ITIH5: variants seen among roughly 807,000 people sequenced by gnomAD.
The protein encoded by ITIH5 is inter-alpha-trypsin inhibitor heavy chain H5.
ITIH5 carries 65 observed loss-of-function variants against 77.5 expected under a neutral mutation model. That is an observed-to-expected ratio of 0.84 (90% CI 0.69 to 1.03). The LOEUF (loss-of-function observed/expected upper bound fraction) is 1.03, where lower values mean the gene tolerates loss of function less well. ITIH5 is among the 50% of genes least tolerant of loss of function. The probability of loss-of-function intolerance (pLI) is 0.00; values close to 1 mark genes in which losing one functional copy is unlikely to be tolerated. For synonymous variants in ITIH5, 525 were observed against 494.3 expected (o/e 1.06, Z -0.82); for missense variants, 1,208 against 1,213.1 (o/e 1.00, Z 0.06).
Position 7,617,208 on chromosome 10 carries a change from C to T in ITIH5, c.727G>A (p.Val243Ile). Reference sequence around the variant, plus strand: ...TGGGCAATCCTGGCTTGTTGTACTACAGTAGGTTTAAAAATTATGTTGGCA... The same window carrying T: ...TGGGCAATCCTGGCTTGTTGTACTATAGTAGGTTTAAAAATTATGTTGGCA... ...TFANIIFKPT[V>I]VQQARIAQNG... Residue 243 changes from valine to isoleucine, a missense_variant, in exon 6 of 14, where the codon GTA becomes ATA. Coordinates refer to ENST00000397146, the MANE Select transcript of ITIH5 (RefSeq NM_030569.7). 1.9e-6 allele frequency: 3 copies of T among 1,603,734 alleles called. No individual in the cohort carries two copies. Among genetic ancestry groups the T allele is most frequent in the Non-Finnish European group, 2.6e-6 (3 of 1,175,404 alleles).
At chr10:7,660,122 T>C (rs139869949) in intron 1 of ITIH5, among the ~76,000 whole-genome samples, 16 of 152,272 alleles carry the variant, frequency 1.1e-4, no homozygotes, top group African/African-American at 2.4e-4. Flanking sequence ...ACAACATTTA[T>C]TGAGAAAAAC....
intron 2 of ITIH5, among the ~76,000 whole-genome samples, chr10:7,646,125 T>A (rs552042504): frequency 7.2e-5 from 11 of 152,346 alleles, no homozygotes; most frequent in African/African-American, 2.6e-4. Context: ...ATCTTGTGAA[T>A]TTGCGAAGCA....
intron 2 of ITIH5, among the ~76,000 whole-genome samples, chr10:7,654,964 A>G (rs999848169): frequency 1.6e-5 from 2 of 127,460 alleles, no homozygotes; most frequent in African/African-American, 3.0e-5. Context: ...AGCAAAAAAA[A>G]AATTTTTTTT....
intron 7 of ITIH5, chr10:7,600,706 A>G (rs1832996958): frequency 1.7e-5 from 7 of 400,730 alleles, no homozygotes; most frequent in South Asian, 1.1e-4. Context: ...AAAGGTTGAA[A>G]TCCTAACACC....
intron 7 of ITIH5, among the ~76,000 whole-genome samples, chr10:7,613,398 A>C (rs1417302541): frequency 2.6e-5 from 4 of 152,214 alleles, no homozygotes; most frequent in African/African-American, 9.6e-5. Context: ...TGTAACAAAA[A>C]CTTTGGGAAA....
At chr10:7,627,950 T>C (rs887937228) in intron 5 of ITIH5, among the ~76,000 whole-genome samples, 7 of 146,412 alleles carry the variant, frequency 4.8e-5, no homozygotes, top group African/African-American at 7.5e-5. Context: ...CAAGCGATTC[T>C]CCTGCCTCAG....
At position 7,624,798 on chromosome 10, in the gene ITIH5, A is replaced by ATATAT. The variant is rs1554755317; in HGVS notation, c.653-7517_653-7516insATATA. On this transcript the variant is annotated intron_variant, in intron 5 of 13. Coordinates refer to ENST00000397146, the MANE Select transcript of ITIH5 (RefSeq NM_030569.7). Reference sequence around the variant, plus strand: ...GAGACTCTGCCTAAAAAAAAAAAAAAATATATATATATATACACATATATA... The same window carrying ATATAT: ...GAGACTCTGCCTAAAAAAAAAAAAAATATATATATATATATATATACACATATATA... Among the ~76,000 whole-genome samples the ATATAT allele has an allele frequency of 9.7e-5, 6 of 61,810 alleles. No individual in the cohort carries two copies. The South Asian group carries it at 2.4e-3, about 25-fold the overall frequency. The allele number at this position is 61,810 out of a possible 152,430, so 40.5% of individuals were successfully genotyped here. A position where few individuals can be genotyped will look rare whatever the true frequency, so the allele number is the denominator to read the frequency against.
intron 4 of ITIH5, among the ~76,000 whole-genome samples, chr10:7,638,062 G>T: frequency 6.6e-6 from 1 of 152,182 alleles, no homozygotes; most frequent in Non-Finnish European, 1.5e-5. Context: ...AGTGGCAACC[G>T]TTAGTAGGTA....
At chr10:7,622,701 TAAAGAATAATCTTTAAAA>T (rs1006952413) in intron 5 of ITIH5, among the ~76,000 whole-genome samples, 11 of 152,222 alleles carry the variant, frequency 7.2e-5, no homozygotes, top group Non-Finnish European at 1.2e-4. Context: ...TATGCTTATA[TAAAGAATAATCTTTAAAA>T]AAAGAATAAT....
chr10:7,628,923 A>G (rs1225126985), intron 5 of ITIH5, among the ~76,000 whole-genome samples: 2 of 82,582 alleles, frequency 2.4e-5, no homozygotes, highest in African/African-American at 9.5e-5. Flanking sequence ...TATCATATGT[A>G]TCTGTGTTTT....
intron 2 of ITIH5, among the ~76,000 whole-genome samples, chr10:7,649,244 C>T (rs1258713462): frequency 6.6e-6 from 1 of 151,556 alleles, no homozygotes; most frequent in African/African-American, 2.4e-5. Context: ...CTTCTTTCTT[C>T]TTCCTCCTTT....
intron 5 of ITIH5, chr10:7,621,929 C>A (rs145334614): frequency 6.6e-6 from 1 of 152,326 alleles, no homozygotes; most frequent in African/African-American, 2.4e-5. Flanking sequence ...GAGGAAGAAT[C>A]TGACCCACTT....
At chr10:7,596,898 T>G (rs1832909999) in intron 7 of ITIH5, among the ~76,000 whole-genome samples, 1 of 151,170 alleles carries the variant, frequency 6.6e-6, no homozygotes, top group African/African-American at 2.4e-5. Context: ...AAATACAAAA[T>G]TAGCCAGGCA....
rs184852412 is a variant in ITIH5, at chr10:7,598,948, C to A, written c.940-12879G>T. On this transcript the variant is annotated intron_variant, in intron 7 of 13. Transcript: ENST00000397146. ...CATAACATTACTCTAACTTGAGAAG[C>A]GAACTGTCTCATCTTAACCCTCTGC... Among the ~76,000 whole-genome samples, 289 of 152,256 alleles carry A rather than the reference C, an allele frequency of 1.9e-3. 1 individual carries two copies. The highest frequency in any genetic ancestry group is 3.7e-3 in the Non-Finnish European group (254 of 68,028).
intron 13 of ITIH5, 47 bp from the exon 14 acceptor site, chr10:7,563,431 C>G (rs369184382): frequency 1.3e-6 from 2 of 1,553,874 alleles, no homozygotes; most frequent in Non-Finnish European, 1.8e-6. Context: ...ATGCAGAAAC[C>G]TCGTGCTGAA....
intron 2 of ITIH5, among the ~76,000 whole-genome samples, chr10:7,653,229 C>CA (rs1333586821): frequency 6.6e-6 from 1 of 152,138 alleles, no homozygotes; most frequent in Non-Finnish European, 1.5e-5. Context: ...GTTTTTGAGA[C>CA]AGAGTCTTGC....
intron 1 of ITIH5, among the ~76,000 whole-genome samples, chr10:7,660,269 G>C (rs1834255906): frequency 6.6e-6 from 1 of 152,248 alleles, no homozygotes; most frequent in African/African-American, 2.4e-5. Context: ...CTATGCTCTT[G>C]AGTGACCGTG....
chr10:7,638,054 T>C (rs935220905), intron 4 of ITIH5, among the ~76,000 whole-genome samples: 7 of 152,086 alleles, frequency 4.6e-5, no homozygotes, highest in African/African-American at 1.7e-4. Flanking sequence ...TAAGTGGGAG[T>C]GGCAACCGTT....
rs576926965 is a variant in ITIH5, at chr10:7,561,761, G to A, written c.*1322C>T. 2.6e-5 allele frequency: 4 copies of A among 152,236 alleles called. No homozygotes were observed. Among genetic ancestry groups the A allele is most frequent in the East Asian group, 3.9e-4 (2 of 5,176 alleles). The allele number at this position is 152,236 out of a possible 1,614,324, so 9.4% of individuals were successfully genotyped here. ...TGCTAAGCATGCCTTCTCATTTCAC[G>A]CGGGGGCTGCTCTGGTGTCAAGCCC... On this transcript the variant is annotated 3_prime_UTR_variant, in exon 14 of 14. Transcript: ENST00000397146.
Sources: gnomAD v4.1 joint callset for allele counts (sites outside exome capture counted in the v4.1 genomes callset) on GRCh38, gnomAD v4.1.1 for gene constraint, MANE v1.5 for transcripts, NCBI Gene and HGNC (gene_info 2026-07-23, HGNC 2026-07-21) for gene names.